The following FRK variants were observed in gnomAD, a reference collection of about 807,000 sequenced individuals.
The protein encoded by FRK is tyrosine-protein kinase FRK.
Under a neutral mutation model 56.4 loss-of-function variants are expected in FRK, and 51 were observed. The observed-to-expected ratio is 0.90, with a 90% CI of 0.72 to 1.14. The LOEUF (loss-of-function observed/expected upper bound fraction) is 1.14. FRK is among the 50% of genes most tolerant of loss of function. The pLI is 0.00. For synonymous variants in FRK, 245 were observed against 217.9 expected (o/e 1.12, Z -1.10); for missense variants, 570 against 601.4 (o/e 0.95, Z 0.55).
chr6:116,038,391 A>G (rs1038066938), intron 1 of FRK, among the ~76,000 whole-genome samples: 9 of 152,174 alleles, frequency 5.9e-5, no homozygotes, highest in African/African-American at 2.2e-4. Context: ...AAAACTCCAC[A>G]TATGTTCTAT....
At chr6:116,074,156 G>A in the FRK span, among the ~76,000 whole-genome samples, 1 of 152,174 alleles carries the variant, frequency 6.6e-6, no homozygotes. Context: ...TCCTCCACAG[G>A]TCTGACTTAG....
rs996629473 is a variant in FRK, at chr6:115,968,822, C to T, written c.467-83G>A. 8 of 1,136,316 alleles carry T rather than the reference C, an allele frequency of 7.0e-6. No homozygotes were observed. The African/African-American group carries it at 1.1e-4, about 16-fold the overall frequency. 70.4% of individuals were successfully genotyped at this position (1,136,316 alleles called of 1,614,324 possible). ...TTACTTTGTGGTGACATTTTCAATG[C>T]ATAAAATGAAATCTATATAAAATTA... On this transcript the variant is annotated intron_variant, in intron 2 of 7. Transcript: ENST00000606080.
intron 2 of FRK, among the ~76,000 whole-genome samples, chr6:116,001,225 G>A (rs1455476754): frequency 6.7e-6 from 1 of 150,042 alleles, no homozygotes; most frequent in Non-Finnish European, 1.5e-5. Context: ...TCGGCAGAGT[G>A]AGACTCTGTC....
At chr6:116,067,331 C>T in the FRK span, among the ~76,000 whole-genome samples, 2 of 152,212 alleles carry the variant, frequency 1.3e-5, no homozygotes, top group African/African-American at 4.8e-5. Context: ...TACTTTATTA[C>T]AGCAGCCCAA....
intron 1 of FRK, among the ~76,000 whole-genome samples, 169 bp downstream of exon 1, chr6:116,059,799 A>G (rs911147872): frequency 1.3e-5 from 2 of 152,182 alleles, no homozygotes; most frequent in African/African-American, 4.8e-5. Context: ...CCAGTTTCAC[A>G]CTCACTTAGC....
intron 2 of FRK, among the ~76,000 whole-genome samples, chr6:115,993,268 A>C (rs1774687619): frequency 1.3e-5 from 2 of 151,878 alleles, no homozygotes; most frequent in South Asian, 4.1e-4. Flanking sequence ...GTCAGGCAAA[A>C]TGTATACTTA....
Position 115,932,957 on chromosome 6 carries a change from C to A in FRK, c.*9457G>T, listed in dbSNP as rs1329890052. On this transcript the variant is annotated 3_prime_UTR_variant, in exon 8 of 8. Transcript: ENST00000606080. ...TTCTTTGTCTGTCTTTTAAGTCAACCCATTCCCACAGCCAGTTTGCAGATT... is the reference window on the plus strand; with the variant it reads ...TTCTTTGTCTGTCTTTTAAGTCAACACATTCCCACAGCCAGTTTGCAGATT... The A allele has an allele frequency of 6.6e-6, 1 of 152,140 alleles. No homozygotes were observed. Among genetic ancestry groups the A allele is most frequent in the East Asian group, 1.9e-4 (1 of 5,190 alleles). The allele number at this position is 152,140 out of a possible 1,614,324, so 9.4% of individuals were successfully genotyped here. A position where few individuals can be genotyped will look rare whatever the true frequency, so the allele number is the denominator to read the frequency against.
At chr6:116,036,561 G>A (rs1776487832) in intron 1 of FRK, among the ~76,000 whole-genome samples, 1 of 152,086 alleles carries the variant, frequency 6.6e-6, no homozygotes, top group African/African-American at 2.4e-5. Flanking sequence ...AGTGTACAAT[G>A]ATGCAATAGA....
chr6:116,019,846 C>T (rs1477634907), intron 1 of FRK, among the ~76,000 whole-genome samples: 1 of 152,114 alleles, frequency 6.6e-6, no homozygotes, highest in African/African-American at 2.4e-5. Flanking sequence ...TATTAAGACC[C>T]AAACTTCAGG....
chr6:116,025,909 G>T (rs1776070347), intron 1 of FRK, among the ~76,000 whole-genome samples: 1 of 152,154 alleles, frequency 6.6e-6, no homozygotes, highest in African/African-American at 2.4e-5. Context: ...TCTGGCCTCA[G>T]TTTCCTCATC....
Position 115,942,603 on chromosome 6 carries a change from G to A in FRK, c.1329C>T (p.Ile443=). The change falls in exon 8 of 8, where the codon ATC becomes ATT. Residue 443 remains isoleucine, a synonymous_variant. Coordinates refer to ENST00000606080, the MANE Select transcript of FRK (RefSeq NM_002031.3). ...PYSGMTGAQV[I]QMLAQNYRLP... ...GTCTATAGTTTTGAGCCAACATCTGGATTACCTGGGCACCTGTCATACCTT... is the reference window on the plus strand; with the variant it reads ...GTCTATAGTTTTGAGCCAACATCTGAATTACCTGGGCACCTGTCATACCTT... The A allele has an allele frequency of 6.2e-7, 1 of 1,613,550 alleles. No individual in the cohort carries two copies. Among genetic ancestry groups the A allele is most frequent in the Non-Finnish European group, 8.5e-7 (1 of 1,179,644 alleles).
At position 115,958,711 on chromosome 6, in the gene FRK, GAAAGA is replaced by G. The variant is rs1562257475; in HGVS notation, c.800-2106_800-2102del. Reference sequence around the variant, plus strand: ...AAGAAAGAAAGAAAGAAAGAAGAAAGAAAGAAAGAAAGAAAGAAAGAAAGAAAGAA... The same window carrying G: ...AAGAAAGAAAGAAAGAAAGAAGAAAGAAGAAAGAAAGAAAGAAAGAAAGAA... On this transcript the variant is annotated intron_variant, in intron 4 of 7. Coordinates refer to ENST00000606080, the MANE Select transcript of FRK (RefSeq NM_002031.3). Among the ~76,000 whole-genome samples the G allele has an allele frequency of 8.8e-3, 83 of 9,466 alleles. 7 individuals carry two copies. The highest frequency in any genetic ancestry group is 0.029 in the African/African-American group (80 of 2,712). 6.2% of individuals were successfully genotyped at this position (9,466 alleles called of 152,430 possible). A position where few individuals can be genotyped will look rare whatever the true frequency, so the allele number is the denominator to read the frequency against.
upstream of FRK, among the ~76,000 whole-genome samples, chr6:116,061,419 C>CAA (rs1218116942): frequency 6.6e-6 from 1 of 151,774 alleles, no homozygotes; most frequent in African/African-American, 2.4e-5. Context: ...CACACACACA[C>CAA]ACACACACAC....
chr6:116,002,603 T>C, intron 2 of FRK: 1 of 420,698 alleles, frequency 2.4e-6, no homozygotes, highest in Non-Finnish European at 4.9e-6. Flanking sequence ...ACACTCCGTC[T>C]CAAAAAAACA....
chr6:116,078,052 C>G, the FRK span, among the ~76,000 whole-genome samples: 2 of 152,124 alleles, frequency 1.3e-5, no homozygotes, highest in African/African-American at 2.4e-5. Context: ...CCCAGCTACT[C>G]TGGAGGCTGA....
intron 2 of FRK, among the ~76,000 whole-genome samples, chr6:115,987,207 C>A (rs1247496173): frequency 1.3e-5 from 2 of 152,014 alleles, no homozygotes; most frequent in Non-Finnish European, 2.9e-5. Flanking sequence ...TGCATTAACT[C>A]ATTTAATCCA....
rs1195485135 is a variant in FRK at position 115,939,568 on chromosome 6, G to T, written c.*2846C>A. 1 of 152,126 alleles carries T rather than the reference G, an allele frequency of 6.6e-6. No individual in the cohort carries two copies. The highest frequency in any genetic ancestry group is 1.5e-5 in the Non-Finnish European group (1 of 68,022). 9.4% of individuals were successfully genotyped at this position (152,126 alleles called of 1,614,324 possible). A position where few individuals can be genotyped will look rare whatever the true frequency, so the allele number is the denominator to read the frequency against. ...TCTCTGTTTGCAGATGATATGAATTGTATATATAGGGAACCCCACCATCTC... is the reference window on the plus strand; with the variant it reads ...TCTCTGTTTGCAGATGATATGAATTTTATATATAGGGAACCCCACCATCTC... On this transcript the variant is annotated 3_prime_UTR_variant, in exon 8 of 8. Transcript: ENST00000606080.
Position 116,052,096 on chromosome 6 carries a change from G to A in FRK, c.344+7872C>T, listed in dbSNP as rs375711250. Among the ~76,000 whole-genome samples the A allele has an allele frequency of 3.2e-4, 48 of 152,068 alleles. No individual in the cohort carries two copies. The South Asian group carries it at 9.1e-3, about 29-fold the overall frequency. ...ATATGTGTATATGTGATTTTTAGAC[G>A]CCATTTCAATGAGATTTACAGTCTG... On this transcript the variant is annotated intron_variant, in intron 1 of 7. Coordinates refer to ENST00000606080, the MANE Select transcript of FRK (RefSeq NM_002031.3).
chr6:116,064,030 A>G (rs999922591), upstream of FRK, among the ~76,000 whole-genome samples: 11 of 152,186 alleles, frequency 7.2e-5, no homozygotes, highest in Non-Finnish European at 8.8e-5. Context: ...AAAATTCTGG[A>G]AGAACCTCCA....
Sources: gnomAD v4.1 joint callset for allele counts (sites outside exome capture counted in the v4.1 genomes callset) on GRCh38, gnomAD v4.1.1 for gene constraint, MANE v1.5 for transcripts, NCBI Gene and HGNC (gene_info 2026-07-23, HGNC 2026-07-21) for gene names.